The following IFT140 variants were observed in gnomAD, a reference collection of about 807,000 sequenced individuals.
IFT140 encodes the protein intraflagellar transport 140.
Under a neutral mutation model 164.6 loss-of-function variants are expected in IFT140, and 133 were observed. The observed-to-expected ratio is 0.81, with a 90% CI of 0.70 to 0.93. The LOEUF (loss-of-function observed/expected upper bound fraction) is 0.93, where lower values mean the gene tolerates loss of function less well. Among genes scored for constraint, IFT140 ranks in the 40% least tolerant of loss-of-function variants. IFT140 has a pLI of 0.00. For missense variants in IFT140, 2,045 were observed against 1,972.3 expected (o/e 1.04, Z -0.70); for synonymous variants, 860 against 817.3 (o/e 1.05, Z -0.89).
chr16:1,563,690 C>A (rs548899368), intron 17 of IFT140, among the ~76,000 whole-genome samples: 1 of 152,270 alleles, frequency 6.6e-6, no homozygotes, highest in African/African-American at 2.4e-5. Flanking sequence ...GTGACGCTGC[C>A]ATCAGTGGGA....
At chr16:1,568,798 G>A (rs146886261) in intron 14 of IFT140, among the ~76,000 whole-genome samples, 13 of 152,212 alleles carry the variant, frequency 8.5e-5, no homozygotes, top group African/African-American at 2.9e-4. Flanking sequence ...GCTGTACGCC[G>A]TTCTATACCT....
intron 19 of IFT140, 176 bp downstream of exon 19, chr16:1,557,759 C>T (rs1468255463): frequency 3.1e-6 from 2 of 650,678 alleles, no homozygotes; most frequent in South Asian, 1.9e-5. Context: ...GAGCTTCCCA[C>T]GTGGCATCTG....
At chr16:1,558,226 G>A in intron 18 of IFT140, 92 bp from the exon 19 acceptor site, 2 of 1,246,066 alleles carry the variant, frequency 1.6e-6, no homozygotes, top group Non-Finnish European at 2.3e-6. Flanking sequence ...CTCCCTTATG[G>A]GGGAGAAATC....
At chr16:1,571,343 C>A (rs1222682002) in intron 14 of IFT140, 64 bp downstream of exon 14, 1 of 1,509,042 alleles carries the variant, frequency 6.6e-7, no homozygotes, top group East Asian at 2.3e-5. Flanking sequence ...CACTTTCTAC[C>A]CATCACACTG....
In IFT140 at chr16:1,513,953, G is replaced by A. The variant is rs150722688; in HGVS notation, c.4183-2803C>T. 4.9e-3 allele frequency among the ~76,000 whole-genome samples: 741 copies of A among 151,168 alleles called. 9 individuals are homozygous for A. The highest frequency in any genetic ancestry group is 0.017 in the African/African-American group (718 of 41,180). ...CTCCCAAAGTGCTGGGATTACAGGC[G>A]TGAGCCACTGCACCCGGCTGCTTCT... On this transcript the variant is annotated intron_variant, in intron 30 of 30. Transcript: ENST00000426508.
chr16:1,611,123 C>A (rs1020426375), intron 1 of IFT140, among the ~76,000 whole-genome samples: 3 of 152,304 alleles, frequency 2.0e-5, no homozygotes, highest in South Asian at 2.1e-4. Context: ...ATGCGCTCGG[C>A]AGTGTCCTGA....
intron 26 of IFT140, among the ~76,000 whole-genome samples, chr16:1,522,460 G>A (rs1400496106): frequency 2.6e-5 from 4 of 152,298 alleles, no homozygotes; most frequent in South Asian, 2.1e-4. Flanking sequence ...ACTTGAACCC[G>A]GGAGGTGGAG....
chr16:1,541,281 AGGGGGGCAGGT>A, intron 19 of IFT140: 1 of 984,814 alleles, frequency 1.0e-6, no homozygotes, highest in South Asian at 4.7e-5. Context: ...CCAGGAGGTG[AGGGGGGCAGGT>A]GGGGGGCACT....
At chr16:1,530,334 T>A (rs941109383) in intron 19 of IFT140, among the ~76,000 whole-genome samples, 1 of 152,000 alleles carries the variant, frequency 6.6e-6, no homozygotes, top group Non-Finnish European at 1.5e-5. Flanking sequence ...GGTTTCATCA[T>A]GTTGGCCAGG....
chr16:1,597,722 A>C (rs1333961152), intron 4 of IFT140, among the ~76,000 whole-genome samples: 1 of 152,188 alleles, frequency 6.6e-6, no homozygotes, highest in African/African-American at 2.4e-5. Context: ...TCTGACTCAC[A>C]AGACTTGATC....
At chr16:1,555,247 C>G in intron 19 of IFT140, 1 of 582,684 alleles carries the variant, frequency 1.7e-6, no homozygotes, top group Non-Finnish European at 3.0e-6. Context: ...TCCAGCTTTC[C>G]TGGTTAGCGC....
At chr16:1,554,149 G>C in intron 19 of IFT140, 2 of 1,286,592 alleles carry the variant, frequency 1.6e-6, no homozygotes, top group Non-Finnish European at 2.0e-6. Flanking sequence ...TATAGCCAAG[G>C]AGCCCTAGAC....
At position 1,587,140 on chromosome 16, in the gene IFT140, C is replaced by T. The variant is rs73499722; in HGVS notation, c.1009+58G>A. On this transcript the variant is annotated intron_variant, in intron 9 of 30. Coordinates refer to ENST00000426508, the MANE Select transcript of IFT140 (RefSeq NM_014714.4). ...CGTTTCACTACCATTATTTTGCAGC[C>T]GGCGCACAATGCTTGTGGTTGGTTC... 7,223 of 1,069,606 alleles carry T rather than the reference C, an allele frequency of 6.8e-3. 325 individuals are homozygous for T. In the African/African-American group the frequency reaches 0.096, roughly 14 times the overall value. 66.3% of individuals were successfully genotyped at this position (1,069,606 alleles called of 1,614,324 possible).
In IFT140 at chr16:1,553,218, C is replaced by T; in HGVS notation, c.2399+4717G>A. On this transcript the variant is annotated intron_variant, in intron 19 of 30. Transcript: ENST00000426508. This position sits in a 1 kb window ranked among gnomAD's most constrained non-coding sequence, Gnocchi z 4.4. ...CCTGTGTCTCTGTCTCTGTCTCTCT[C>T]TGTCTCCATCTGTCTCTGTGTCTGT... is the stretch of plus-strand genomic sequence containing the variant. 1 of 978,858 alleles carries T rather than the reference C, an allele frequency of 1.0e-6. No homozygotes were observed. The highest frequency in any genetic ancestry group is 1.2e-6 in the Non-Finnish European group (1 of 824,080). The allele number at this position is 978,858 out of a possible 1,614,324, so 60.6% of individuals were successfully genotyped here.
In IFT140 at chr16:1,518,252, C is replaced by G; in HGVS notation, c.4146G>C (p.Leu1382=). The G allele has an allele frequency of 6.2e-7, 1 of 1,614,082 alleles. No individual in the cohort carries two copies. The highest frequency in any genetic ancestry group is 8.5e-7 in the Non-Finnish European group (1 of 1,180,008). ...CCTCCTTCCGCACGTAGTGCTCCAC[C>G]AGGAAGCCATAGACGTCCCCGATGC... The part of the protein sequence containing the change: ...TIRIGDVYGF[L]VEHYVRKEEY... The change falls in exon 30 of 31, where the codon CTG becomes CTC. Residue 1382 remains leucine, a synonymous_variant. Transcript: ENST00000426508.
intron 15 of IFT140, among the ~76,000 whole-genome samples, chr16:1,567,935 G>A (rs1023516739): frequency 5.3e-5 from 8 of 152,212 alleles, no homozygotes; most frequent in African/African-American, 1.4e-4. Flanking sequence ...TCTCCAACAA[G>A]GAATCGACTG....
chr16:1,544,644 CTTTTTCTTT>C (rs1001305584), intron 19 of IFT140, among the ~76,000 whole-genome samples: 4 of 151,612 alleles, frequency 2.6e-5, no homozygotes, highest in Non-Finnish European at 4.4e-5. Flanking sequence ...CACTGCATTT[CTTTTTCTTT>C]TTTTTCTTTT....
At chr16:1,570,260 G>C (rs1011117298) in intron 14 of IFT140, among the ~76,000 whole-genome samples, 1 of 152,160 alleles carries the variant, frequency 6.6e-6, no homozygotes, top group Non-Finnish European at 1.5e-5. Context: ...GGCCCTCTCA[G>C]CTGACAGAGT....
intron 18 of IFT140, among the ~76,000 whole-genome samples, chr16:1,561,392 G>C (rs2033400397): frequency 6.6e-6 from 1 of 152,230 alleles, no homozygotes; most frequent in Non-Finnish European, 1.5e-5. Context: ...TGTGTGTACT[G>C]ATGACGATCC....
Sources: allele counts gnomAD v4.1 joint callset (sites outside exome capture counted in the v4.1 genomes callset), GRCh38; gene constraint gnomAD v4.1.1; non-coding constraint Gnocchi (gnomAD v3.1); transcripts MANE v1.5; gene names NCBI Gene and HGNC (gene_info 2026-07-23, HGNC 2026-07-21).